Variants in EYS observed in about 807,000 individuals in gnomAD.
EYS encodes protein eyes shut homolog.
Under a neutral mutation model 282.1 loss-of-function variants are expected in EYS, and 250 were observed. That is an observed-to-expected ratio of 0.89 (90% CI 0.80 to 0.98). The LOEUF is 0.98. EYS is among the 50% of genes least tolerant of loss of function. EYS has a pLI of 0.00. For missense variants in EYS, 4,016 were observed against 3,709.0 expected, an observed-to-expected ratio of 1.08 and a Z score of -2.15; for synonymous variants, 1,355 against 1,282.9, an observed-to-expected ratio of 1.06 and a Z score of -1.20.
chr6:64,553,769 A>C (rs951707513), intron 26 of EYS, among the ~76,000 whole-genome samples: 5 of 152,148 alleles, frequency 3.3e-5, no homozygotes, highest in Admixed American at 2.6e-4. Flanking sequence ...TGGTCATTTA[A>C]AATTTCAGAA....
intron 2 of EYS, among the ~76,000 whole-genome samples, chr6:65,594,021 C>T (rs1722845098): frequency 1.3e-5 from 2 of 151,834 alleles, no homozygotes; most frequent in African/African-American, 4.8e-5. Flanking sequence ...TGATACAACC[C>T]CAGAGCAGCA....
At chr6:64,190,863 A>C (rs1562245560) in intron 31 of EYS, among the ~76,000 whole-genome samples, 1 of 152,140 alleles carries the variant, frequency 6.6e-6, no homozygotes, top group African/African-American at 2.4e-5. Flanking sequence ...TTTTGTAACT[A>C]CCTATTATGT....
chr6:65,580,988 T>A (rs925641227), intron 2 of EYS, among the ~76,000 whole-genome samples: 1 of 152,140 alleles, frequency 6.6e-6, no homozygotes, highest in Non-Finnish European at 1.5e-5. Context: ...CATATTTTAA[T>A]CTATTCAATT....
intron 22 of EYS, among the ~76,000 whole-genome samples, chr6:64,636,486 C>A (rs1027681759): frequency 6.6e-6 from 1 of 152,040 alleles, no homozygotes; most frequent in Admixed American, 6.6e-5. Context: ...CCATAAAAAC[C>A]CTAGAAGAAA....
intron 15 of EYS, among the ~76,000 whole-genome samples, chr6:64,925,447 C>T (rs970110418): frequency 1.3e-5 from 2 of 152,064 alleles, no homozygotes; most frequent in African/African-American, 2.4e-5. Flanking sequence ...CTCAAATGCT[C>T]ATTGTGGTAG....
chr6:64,569,796 T>C (rs1038353658), intron 26 of EYS, among the ~76,000 whole-genome samples: 6 of 151,708 alleles, frequency 4.0e-5, no homozygotes, highest in Non-Finnish European at 8.8e-5. Flanking sequence ...TGGAACTATG[T>C]GGAAAGACCA....
intron 31 of EYS, among the ~76,000 whole-genome samples, chr6:64,100,720 C>A (rs1360723050): frequency 6.6e-6 from 1 of 152,124 alleles, no homozygotes; most frequent in African/African-American, 2.4e-5. Context: ...TTTCTTCAAC[C>A]ACATTTGTAA....
chr6:64,099,520 C>T (rs1166719869), intron 31 of EYS, among the ~76,000 whole-genome samples: 1 of 152,124 alleles, frequency 6.6e-6, no homozygotes, highest in Non-Finnish European at 1.5e-5. Flanking sequence ...ACAATTCAAT[C>T]TATGAGGAAC....
chr6:64,225,989 C>T (rs4710473), intron 31 of EYS, among the ~76,000 whole-genome samples: 46,956 of 151,976 alleles, frequency 0.31, 7,281 homozygotes, highest in East Asian at 0.5. Context: ...GATTTTCAGA[C>T]ATGGATATTA....
At chr6:64,643,064 G>A (rs1582988851) in intron 22 of EYS, among the ~76,000 whole-genome samples, 1 of 150,886 alleles carries the variant, frequency 6.6e-6, no homozygotes, top group Admixed American at 6.6e-5. Flanking sequence ...GTGGTGAGCC[G>A]AGATCATGCC....
intron 22 of EYS, among the ~76,000 whole-genome samples, chr6:64,807,233 A>G (rs1562202030): frequency 6.6e-6 from 1 of 151,954 alleles, no homozygotes; most frequent in East Asian, 1.9e-4. Flanking sequence ...TTTACCATAT[A>G]TTTTTTTCTT....
chr6:64,198,863 A>G (rs1443647474), intron 31 of EYS, among the ~76,000 whole-genome samples: 1 of 152,148 alleles, frequency 6.6e-6, no homozygotes, highest in East Asian at 1.9e-4. Flanking sequence ...TGCTGGGTCA[A>G]AGGGTATTTC....
chr6:65,577,564 A>T (rs1377370222), intron 2 of EYS, among the ~76,000 whole-genome samples: 1 of 151,890 alleles, frequency 6.6e-6, no homozygotes, highest in Non-Finnish European at 1.5e-5. Context: ...ACAAATCAAA[A>T]ATAGACAAAG....
intron 5 of EYS, among the ~76,000 whole-genome samples, chr6:65,437,029 T>G (rs1768097142): frequency 6.6e-6 from 1 of 152,062 alleles, no homozygotes; most frequent in Non-Finnish European, 1.5e-5. Context: ...AGTAATAAAG[T>G]ATAGTATTTT....
At chr6:63,846,773 G>A (rs557859678) in intron 36 of EYS, among the ~76,000 whole-genome samples, 1 of 152,144 alleles carries the variant, frequency 6.6e-6, no homozygotes, top group African/African-American at 2.4e-5. Context: ...CCCTTACTCA[G>A]GACCCACACA....
intron 13 of EYS, among the ~76,000 whole-genome samples, chr6:65,037,599 AT>A (rs1233965200): frequency 6.6e-6 from 1 of 151,790 alleles, no homozygotes; most frequent in Non-Finnish European, 1.5e-5. Flanking sequence ...ACAATACGAT[AT>A]TTATACCTAT....
intron 2 of EYS, among the ~76,000 whole-genome samples, chr6:65,578,185 T>C (rs1764741669): frequency 6.7e-6 from 1 of 149,260 alleles, no homozygotes; most frequent in South Asian, 2.2e-4. Context: ...GGAGTGTAGA[T>C]CTACAGATGA....
chr6:63,950,989 T>A (rs1221907897), intron 35 of EYS, among the ~76,000 whole-genome samples: 1 of 152,048 alleles, frequency 6.6e-6, no homozygotes, highest in African/African-American at 2.4e-5. Flanking sequence ...TCACCGACAT[T>A]TCAGAGGTGT....
At chr6:65,048,875 C>A (rs1043971658) in intron 13 of EYS, among the ~76,000 whole-genome samples, 3 of 151,750 alleles carry the variant, frequency 2.0e-5, no homozygotes, top group African/African-American at 7.3e-5. Context: ...CTGAAATTAT[C>A]CAATTACCTA....
Sources: allele counts gnomAD v4.1 joint callset (sites outside exome capture counted in the v4.1 genomes callset), GRCh38; gene constraint gnomAD v4.1.1; transcripts MANE v1.5; gene names NCBI Gene and HGNC (gene_info 2026-07-23, HGNC 2026-07-21).